The following DNAH12 variants were observed in gnomAD, a reference collection of about 807,000 sequenced individuals.
DNAH12 encodes axonemal beta dynein heavy chain 12.
Under a neutral mutation model 371.5 loss-of-function variants are expected in DNAH12, and 285 were observed. That is an observed-to-expected ratio of 0.77 (90% confidence interval 0.70 to 0.85). The LOEUF (loss-of-function observed/expected upper bound fraction) is 0.85. Ranked by LOEUF, DNAH12 falls within the 40% of genes least tolerant of loss-of-function variation. The probability of loss-of-function intolerance (pLI) is 0.00; values close to 1 mark genes in which losing one functional copy is unlikely to be tolerated. For synonymous variants in DNAH12, 1,200 were observed against 1,213.0 expected (o/e 0.99, Z 0.22); for missense variants, 3,611 against 3,689.4 (o/e 0.98, Z 0.55).
chr3:57,495,545 C>T (rs2153387367), intron 11 of DNAH12, among the ~76,000 whole-genome samples: 1 of 149,224 alleles, frequency 6.7e-6, no homozygotes, highest in Admixed American at 6.7e-5. Flanking sequence ...AAAGTATTAA[C>T]CTCACTCTAG....
intron 58 of DNAH12, among the ~76,000 whole-genome samples, chr3:57,359,574 A>AG (rs1478106370): frequency 6.6e-6 from 1 of 150,978 alleles, no homozygotes; most frequent in Non-Finnish European, 1.5e-5. Context: ...AAAAAAAAAA[A>AG]AAAAAAGAAA....
In DNAH12 at chr3:57,419,373, T is replaced by C; in HGVS notation, c.5708A>G (p.Tyr1903Cys). 1 of 1,496,482 alleles carries C rather than the reference T, an allele frequency of 6.7e-7. No individual in the cohort carries two copies. Among genetic ancestry groups the C allele is most frequent in the Non-Finnish European group, 8.8e-7 (1 of 1,129,972 alleles). The allele number at this position is 1,496,482 out of a possible 1,614,324, so 92.7% of individuals were successfully genotyped here. A position where few individuals can be genotyped will look rare whatever the true frequency, so the allele number is the denominator to read the frequency against. ...YTFLMDLSITYAKPLLFVGPT... is the reference protein window; with the variant it reads ...YTFLMDLSITCAKPLLFVGPT... ...TTATAGCAGAGTTCCTTACTTTGCA[T>C]AGGTAATACTCAAATCCATTAGAAA... Residue 1903 changes from tyrosine (Y) to cysteine (C), a missense_variant, in exon 37 of 74, where the codon TAT becomes TGT. Tyr to Cys is a radical substitution (Grantham distance 194, BLOSUM62 -2). Around this residue, in one of 3 missense-constraint regions of DNAH12, gnomAD observed 2,266 missense variants for 2,236.9 expected, o/e 1.01. Transcript: ENST00000495027.
chr3:57,448,746 A>G (rs2065633122), intron 25 of DNAH12, among the ~76,000 whole-genome samples: 1 of 115,294 alleles, frequency 8.7e-6, no homozygotes, highest in South Asian at 3.5e-4. Flanking sequence ...CCTGAGCTAG[A>G]TACAAAGCTC....
At chr3:57,413,958 G>T (rs1380174248) in intron 38 of DNAH12, 46 bp from the exon 39 acceptor site, 8 of 1,514,440 alleles carry the variant, frequency 5.3e-6, no homozygotes, top group Non-Finnish European at 7.1e-6. Flanking sequence ...AATTGAATTA[G>T]GGATTTATCA....
chr3:57,294,098 G>A, intron 73 of DNAH12, 127 bp from the exon 74 acceptor site: 1 of 737,742 alleles, frequency 1.4e-6, no homozygotes, highest in Non-Finnish European at 2.0e-6. Flanking sequence ...GATATATGAA[G>A]GTTTTACAGC....
intron 58 of DNAH12, among the ~76,000 whole-genome samples, chr3:57,361,395 A>G (rs1311442126): frequency 6.8e-6 from 1 of 147,326 alleles, no homozygotes; most frequent in African/African-American, 2.5e-5. Context: ...ATATATACAT[A>G]CGCACTATAT....
At chr3:57,366,189 T>C (rs1248497866) in intron 57 of DNAH12, among the ~76,000 whole-genome samples, 3 of 152,220 alleles carry the variant, frequency 2.0e-5, no homozygotes, top group Non-Finnish European at 2.9e-5. Context: ...AAGTGACCTC[T>C]GGTCCTCCTC....
intron 44 of DNAH12, among the ~76,000 whole-genome samples, 186 bp from the exon 45 acceptor site, chr3:57,392,252 T>C (rs975201661): frequency 3.3e-5 from 5 of 152,112 alleles, no homozygotes; most frequent in Non-Finnish European, 5.9e-5. Context: ...ACTCCAAAAT[T>C]CTATAATTTA....
chr3:57,501,054 T>G (rs1439430246), intron 11 of DNAH12, among the ~76,000 whole-genome samples: 1 of 152,252 alleles, frequency 6.6e-6, no homozygotes, highest in African/African-American at 2.4e-5. Context: ...GTGCTGGGAT[T>G]ACAGGCATGA....
chr3:57,484,709 AG>A, intron 12 of DNAH12, among the ~76,000 whole-genome samples: 1 of 152,202 alleles, frequency 6.6e-6, no homozygotes, highest in Non-Finnish European at 1.5e-5. Flanking sequence ...TAAACCAAAA[AG>A]CTTCTGCACA....
At chr3:57,438,030 C>T (rs1476479830) in intron 29 of DNAH12, among the ~76,000 whole-genome samples, 1 of 152,144 alleles carries the variant, frequency 6.6e-6, no homozygotes, top group Admixed American at 6.6e-5. Context: ...ACCACCTGGC[C>T]AGGTGCGGTG....
At chr3:57,471,736 C>T (rs779470244) in intron 14 of DNAH12, 130 bp from the exon 15 acceptor site, 40 of 705,710 alleles carry the variant, frequency 5.7e-5, no homozygotes, top group Non-Finnish European at 7.2e-5. Flanking sequence ...TAAAACAATG[C>T]CTATAATTAC....
chr3:57,395,779 T>TAA (rs1553676372), intron 43 of DNAH12, among the ~76,000 whole-genome samples: 16 of 151,354 alleles, frequency 1.1e-4, no homozygotes, highest in Admixed American at 3.3e-4. Context: ...AGCCTGTCTC[T>TAA]AAAAAAATAA....
At chr3:57,519,056 C>G (rs1254811287) in intron 4 of DNAH12, among the ~76,000 whole-genome samples, 1 of 152,190 alleles carries the variant, frequency 6.6e-6, no homozygotes, top group East Asian at 1.9e-4. Flanking sequence ...TGTCAAAAGT[C>G]AGCTGAAATT....
At chr3:57,438,918 C>CAAAAAAAAAAAAAAAAAAAA (rs57608649) in intron 29 of DNAH12, among the ~76,000 whole-genome samples, 3 of 94,536 alleles carry the variant, frequency 3.2e-5, no homozygotes, top group Non-Finnish European at 6.1e-5. Context: ...CTGTCTCAGA[C>CAAAAAAAAAAAAAAAAAAAA]AAAAAAAAAA....
intron 30 of DNAH12, among the ~76,000 whole-genome samples, chr3:57,436,588 A>T (rs1241386569): frequency 6.6e-6 from 1 of 152,210 alleles, no homozygotes; most frequent in Non-Finnish European, 1.5e-5. Context: ...CAAGAGGAAC[A>T]ACTTCCAGGT....
chr3:57,327,808 G>T lies in DNAH12; in HGVS notation c.9979-4189C>A, dbSNP rs555931511. ...AAAGGATCAACAAAATTGATAGACC[G>T]CTAGCAAGACTAATAAAGAAAAAAA... On this transcript the variant is annotated intron_variant, in intron 62 of 73. Coordinates refer to ENST00000495027, the MANE Select transcript of DNAH12 (RefSeq NM_001366028.2). 7.3e-3 allele frequency among the ~76,000 whole-genome samples: 1,106 copies of T among 152,014 alleles called. 7 individuals carry two copies. The highest frequency in any genetic ancestry group is 0.011 in the Non-Finnish European group (736 of 68,004).
chr3:57,409,751 T>C (rs1284959481), intron 39 of DNAH12, among the ~76,000 whole-genome samples: 1 of 152,056 alleles, frequency 6.6e-6, no homozygotes, highest in Non-Finnish European at 1.5e-5. Context: ...TGTCTTGAGA[T>C]AAAAATCATG....
chr3:57,499,645 AAAATATATATAT>A (rs1341421828), intron 11 of DNAH12, among the ~76,000 whole-genome samples: 295 of 23,372 alleles, frequency 0.013, 19 homozygotes, highest in Non-Finnish European at 0.023. Flanking sequence ...AAAAAAAAAA[AAAATATATATAT>A]ATATATATAT....
Sources: allele counts gnomAD v4.1 joint callset (sites outside exome capture counted in the v4.1 genomes callset), GRCh38; gene constraint gnomAD v4.1.1; regional missense constraint gnomAD v4.1.1; transcripts MANE v1.5; gene names NCBI Gene and HGNC (gene_info 2026-07-23, HGNC 2026-07-21).